The following LGR4 variants were observed in gnomAD, a reference collection of about 807,000 sequenced individuals.
LGR4 encodes the protein leucine rich repeat containing G protein-coupled receptor 4, also known as leucine-rich repeat-containing G protein-coupled receptor 4.
A neutral mutation model predicts 84.8 loss-of-function variants in LGR4; 44 were observed. The observed-to-expected ratio is 0.52, with a 90% CI of 0.41 to 0.67. LGR4 has a LOEUF of 0.67. Ranked by LOEUF, LGR4 falls within the 30% of genes least tolerant of loss-of-function variation. The pLI, the probability that LGR4 is intolerant of heterozygous loss-of-function variation, is 0.00. For missense variants in LGR4, 1,032 were observed against 1,131.4 expected (o/e 0.91, Z 1.26); for synonymous variants, 429 against 434.3 (o/e 0.99, Z 0.15).
At chr11:27,379,855 T>C (rs1863057568) in intron 10 of LGR4, among the ~76,000 whole-genome samples, 1 of 151,970 alleles carries the variant, frequency 6.6e-6, no homozygotes, top group Non-Finnish European at 1.5e-5. Context: ...ATCTATATGC[T>C]ATCTCTGAGA....
At chr11:27,422,910 C>A (rs1169699838) in intron 1 of LGR4, among the ~76,000 whole-genome samples, 1 of 152,098 alleles carries the variant, frequency 6.6e-6, no homozygotes, top group Non-Finnish European at 1.5e-5. Flanking sequence ...TCAACTGTTT[C>A]TATAGAACTG....
chr11:27,388,915 T>G (rs2133376304), intron 4 of LGR4, among the ~76,000 whole-genome samples: 1 of 152,240 alleles, frequency 6.6e-6, no homozygotes, highest in Middle Eastern at 3.4e-3. Flanking sequence ...CCTGCTGAGG[T>G]AATGTTTTAG....
chr11:27,462,483 A>G (rs1864700601), intron 1 of LGR4, among the ~76,000 whole-genome samples: 1 of 152,230 alleles, frequency 6.6e-6, no homozygotes, highest in South Asian at 2.1e-4. Flanking sequence ...CTGTTTCTCT[A>G]CCAGGGTCTT....
In LGR4 at chr11:27,384,320, A is replaced by G; in HGVS notation, c.689+16T>C. On this transcript the variant is annotated intron_variant, in intron 6 of 17. Transcript: ENST00000379214. ...CAATATCACAATGCAGTTGCCCAAAATATGAATATACTTACAAGGTCTCCA... is the reference window on the plus strand; with the variant it reads ...CAATATCACAATGCAGTTGCCCAAAGTATGAATATACTTACAAGGTCTCCA... The G allele has an allele frequency of 6.4e-7, 1 of 1,551,282 alleles. No homozygotes were observed. Among genetic ancestry groups the G allele is most frequent in the Non-Finnish European group, 8.9e-7 (1 of 1,127,280 alleles).
intron 1 of LGR4, among the ~76,000 whole-genome samples, chr11:27,469,291 G>C (rs555637795): frequency 1.7e-4 from 26 of 152,306 alleles, no homozygotes; most frequent in Non-Finnish European, 3.1e-4. Flanking sequence ...GTTTCAACCA[G>C]CCTCAAGGAG....
chr11:27,400,105 T>C (rs1461862643), intron 2 of LGR4, among the ~76,000 whole-genome samples: 1 of 152,220 alleles, frequency 6.6e-6, no homozygotes, highest in African/African-American at 2.4e-5. Context: ...TTGAAGCTTT[T>C]TGAGTGTTGA....
rs116333646 is a variant in LGR4, at chr11:27,377,266, A to C, written c.1044-43T>G. ...TAACAAATTAATGCTATGTTATCAG[A>C]GTATTATATTAAAAGAGTGGTACTC... On this transcript the variant is annotated intron_variant, in intron 11 of 17. Coordinates refer to ENST00000379214, the MANE Select transcript of LGR4 (RefSeq NM_018490.5). 3,392 of 1,024,388 alleles carry C rather than the reference A, an allele frequency of 3.3e-3. 86 individuals carry two copies. The African/African-American group carries it at 0.048, about 15-fold the overall frequency. The allele number at this position is 1,024,388 out of a possible 1,614,324, so 63.5% of individuals were successfully genotyped here.
rs562340210 is a variant in LGR4, at chr11:27,372,206, A to G, written c.1495+77T>C. ...CTCACAGATTTCCTATTGATCATTC[A>G]CAAAGTAATTATAATAACAGGAACT... On this transcript the variant is annotated intron_variant, in intron 16 of 17. Coordinates refer to ENST00000379214, the MANE Select transcript of LGR4 (RefSeq NM_018490.5). The G allele has an allele frequency of 1.0e-4, 91 of 903,132 alleles. 1 individual carries two copies. The South Asian group carries it at 1.2e-3, about 12-fold the overall frequency. The allele number at this position is 903,132 out of a possible 1,614,324, so 55.9% of individuals were successfully genotyped here.
intron 8 of LGR4, 28 bp downstream of exon 8, chr11:27,380,867 A>AT: frequency 7.2e-7 from 1 of 1,395,318 alleles, no homozygotes; most frequent in Admixed American, 1.7e-5. Flanking sequence ...ATAATTATAC[A>AT]TTAAAAGAAA....
At chr11:27,448,996 T>C (rs996347370) in intron 1 of LGR4, among the ~76,000 whole-genome samples, 5 of 152,186 alleles carry the variant, frequency 3.3e-5, no homozygotes, top group African/African-American at 1.2e-4. Context: ...TCTATGGAAG[T>C]ATGCAAATGG....
Position 27,377,160 on chromosome 11 carries a change from T to C in LGR4, c.1107A>G (p.Glu369=). The C allele has an allele frequency of 6.3e-7, 1 of 1,577,022 alleles. No homozygotes were observed. Among genetic ancestry groups the C allele is most frequent in the South Asian group, 1.1e-5 (1 of 88,462 alleles). The change falls in exon 12 of 18, where the codon GAA becomes GAG. Residue 369 remains glutamate (E), a splice_region_variant and synonymous_variant. Transcript: ENST00000379214. ...GAATAAGTCAAAGACCAACTCACAT[T>C]TCTTCCAGAGCATGGCAACCATTAA... ...PSFNGCHALE[E]ISLQRNQIYQ...
rs373771561 is a variant in LGR4 at position 27,448,683 on chromosome 11, T to G, written c.185+23435A>C. 4.7e-3 allele frequency among the ~76,000 whole-genome samples: 719 copies of G among 152,308 alleles called. 2 individuals carry two copies. The highest frequency in any genetic ancestry group is 0.016 in the African/African-American group (684 of 41,574). On this transcript the variant is annotated intron_variant, in intron 1 of 17. Coordinates refer to ENST00000379214, the MANE Select transcript of LGR4 (RefSeq NM_018490.5). ...TCCAAATTATTTTGTCATGAAACAC[T>G]AATTTCATGAGTCTGAATAAAACAT... is the stretch of plus-strand genomic sequence containing the variant.
chr11:27,397,263 C>T (rs1306192876), intron 2 of LGR4, among the ~76,000 whole-genome samples: 1 of 152,156 alleles, frequency 6.6e-6, no homozygotes, highest in Non-Finnish European at 1.5e-5. Context: ...ACGCTACCAC[C>T]GGTATGAACT....
rs1862896206 is a variant in LGR4 at position 27,372,141 on chromosome 11, AGGC to A, written c.1495+139_1495+141del. On this transcript the variant is annotated intron_variant, in intron 16 of 17. Transcript: ENST00000379214. The stretch of plus-strand genomic sequence containing the variant: ...TGGCCTCCCTAAGTGCTGAGATTAC[AGGC>A]ATGAGCCATCACACCTGGCCAGACA... The A allele has an allele frequency of 6.2e-6, 4 of 644,854 alleles. No homozygotes were observed. The South Asian group carries it at 7.5e-5, about 12-fold the overall frequency. The allele number at this position is 644,854 out of a possible 1,614,324, so 39.9% of individuals were successfully genotyped here. A position where few individuals can be genotyped will look rare whatever the true frequency, so the allele number is the denominator to read the frequency against.
At chr11:27,460,393 C>T (rs1460227933) in intron 1 of LGR4, among the ~76,000 whole-genome samples, 1 of 152,168 alleles carries the variant, frequency 6.6e-6, no homozygotes, top group African/African-American at 2.4e-5. Flanking sequence ...GCCTATCCTA[C>T]TGGGAATTCA....
intron 1 of LGR4, among the ~76,000 whole-genome samples, chr11:27,440,573 CATACTTA>C (rs1010830858): frequency 3.9e-5 from 6 of 152,260 alleles, no homozygotes; most frequent in African/African-American, 1.4e-4. Flanking sequence ...TGTAGTTTTG[CATACTTA>C]CATGTGGGAC....
intron 4 of LGR4, among the ~76,000 whole-genome samples, chr11:27,386,808 G>A (rs1020885866): frequency 1.3e-5 from 2 of 152,196 alleles, no homozygotes; most frequent in African/African-American, 4.8e-5. Context: ...CACTTAAAAA[G>A]GGAGAGCTTA....
At position 27,369,152 on chromosome 11, in the gene LGR4, AACAC is replaced by A. The variant is rs780741417; in HGVS notation, c.1580-13_1580-10del. 1.9e-6 allele frequency: 3 copies of A among 1,571,024 alleles called. No individual in the cohort carries two copies. The highest frequency in any genetic ancestry group is 2.6e-6 in the Non-Finnish European group (3 of 1,162,490). On this transcript the variant is annotated splice_polypyrimidine_tract_variant and intron_variant, in intron 17 of 17. Transcript: ENST00000379214. ...ACAGGGCTTAAAAGCACCTAAAAAA[AACAC>A]ACACAGAGAGAGAGAAATAAAAGAT...
intron 1 of LGR4, among the ~76,000 whole-genome samples, chr11:27,428,223 T>C (rs7952200): frequency 0.24 from 36,793 of 151,796 alleles, 7,509 homozygotes; most frequent in African/African-American, 0.56. Context: ...CTGCAACCTC[T>C]GCCTCTCAGG....
Sources: gnomAD v4.1 joint callset for allele counts (sites outside exome capture counted in the v4.1 genomes callset) on GRCh38, gnomAD v4.1.1 for gene constraint, MANE v1.5 for transcripts, NCBI Gene and HGNC (gene_info 2026-07-23, HGNC 2026-07-21) for gene names.